KIAA1210: variants seen among roughly 807,000 people sequenced by gnomAD.
KIAA1210 encodes the protein KIAA1210, also known as acrosomal protein KIAA1210.
A neutral mutation model predicts 78.9 loss-of-function variants in KIAA1210; 48 were observed. The ratio of observed to expected loss-of-function variants is 0.61; its 90% CI spans 0.48 to 0.77. KIAA1210 has a LOEUF of 0.77. Ranked by LOEUF, KIAA1210 falls within the 30% of genes least tolerant of loss-of-function variation. KIAA1210 has a pLI of 0.00. For synonymous variants in KIAA1210, 406 were observed against 404.5 expected, an observed-to-expected ratio of 1.00 and a Z score of -0.04; for missense variants, 1,108 against 1,100.0, an observed-to-expected ratio of 1.01 and a Z score of -0.10.
At chrX:119,128,649 C>A (rs2147193515), upstream of KIAA1210, among the ~76,000 whole-genome samples, 1 of 111,499 alleles carries the variant, frequency 9.0e-6, no homozygotes, top group South Asian at 3.8e-4. Flanking sequence ...CTCTCCATCC[C>A]ATTATTCTTT....
At chrX:119,096,009 G>A (rs1346260350) in intron 7 of KIAA1210, among the ~76,000 whole-genome samples, 2 of 111,697 alleles carry the variant, frequency 1.8e-5, no homozygotes, top group African/African-American at 3.3e-5. Context: ...AAAGTCATGT[G>A]GCATCTATTT....
intron 1 of KIAA1210, among the ~76,000 whole-genome samples, chrX:119,149,830 C>T (rs1291928085): frequency 2.7e-5 from 3 of 110,940 alleles, no homozygotes; most frequent in Non-Finnish European, 3.8e-5. Flanking sequence ...GGTGATTCTT[C>T]TCTACTCATC....
At chrX:119,118,958 T>C (rs759260688) in intron 2 of KIAA1210, among the ~76,000 whole-genome samples, 1 of 112,351 alleles carries the variant, frequency 8.9e-6, no homozygotes, top group African/African-American at 3.2e-5. Flanking sequence ...ACTAGCACAG[T>C]GCAAGGCATG....
In KIAA1210 at chrX:119,083,602, T is replaced by A. The variant is rs1374394895; in HGVS notation, c.4321-482A>T. Among the ~76,000 whole-genome samples the A allele has an allele frequency of 8.9e-5, 10 of 111,924 alleles. No individual in the cohort carries two copies. The Admixed American group carries it at 9.5e-4, about 11-fold the overall frequency. On this transcript the variant is annotated intron_variant, in intron 10 of 11. Coordinates refer to ENST00000691062, the MANE Select transcript of KIAA1210 (RefSeq NM_001394962.1). Reference sequence around the variant, plus strand: ...CATTAGAAAGTAATATAACTGTAGGTCTTTCCAAAATTCTGCAGTTTATTC... The same window carrying A: ...CATTAGAAAGTAATATAACTGTAGGACTTTCCAAAATTCTGCAGTTTATTC...
chrX:119,139,185 C>A (rs1928990265), intron 2 of KIAA1210, among the ~76,000 whole-genome samples: 1 of 111,569 alleles, frequency 9.0e-6, no homozygotes, highest in Non-Finnish European at 1.9e-5. Context: ...CAGGGACCTG[C>A]AAGTCCAGAA....
chrX:119,139,938 A>C (rs1225050473), intron 2 of KIAA1210, among the ~76,000 whole-genome samples: 1 of 111,831 alleles, frequency 8.9e-6, no homozygotes, highest in Non-Finnish European at 1.9e-5. Context: ...GGGCACATGG[A>C]GTCCTTTCTT....
At chrX:119,107,240 G>A (rs1054229984) in intron 5 of KIAA1210, among the ~76,000 whole-genome samples, 1 of 112,773 alleles carries the variant, frequency 8.9e-6, no homozygotes, top group Non-Finnish European at 1.9e-5. Context: ...ACTTCCTTGT[G>A]AGAAGTAATG....
intron 6 of KIAA1210, among the ~76,000 whole-genome samples, chrX:119,097,629 G>T (rs1213183706): frequency 2.7e-5 from 3 of 112,041 alleles, no homozygotes; most frequent in Non-Finnish European, 5.6e-5. Context: ...GTATCCCCTT[G>T]GTACTTGCAG....
In KIAA1210 at chrX:119,086,851, T is replaced by A; in HGVS notation, c.3851A>T (p.Asn1284Ile). 8.3e-7 allele frequency: 1 copy of A among 1,211,752 alleles called. No homozygotes were observed. Among genetic ancestry groups the A allele is most frequent in the Non-Finnish European group, 1.1e-6 (1 of 895,450 alleles). The change falls in exon 9 of 12, where the codon AAT (asparagine) becomes ATT (isoleucine). Residue 1284 changes from asparagine (N) to isoleucine (I), a missense_variant. Asn to Ile is a moderately radical substitution (Grantham distance 149). This residue lies in a region of KIAA1210 where 245 missense variants were observed against 278.8 expected (regional missense o/e 0.88). Coordinates refer to ENST00000691062, the MANE Select transcript of KIAA1210 (RefSeq NM_001394962.1). ...ATTGGATAGGTTTGCATGCTGGTTA[T>A]TATTACCATCACCACTCTCAAGATC... ...KEDLESGDGN[N>I]NQHANLSNQD... is the part of the protein sequence containing the mutation.
intron 6 of KIAA1210, among the ~76,000 whole-genome samples, chrX:119,101,719 T>C (rs984561804): frequency 8.9e-6 from 1 of 112,031 alleles, no homozygotes; most frequent in Non-Finnish European, 1.9e-5. Context: ...TGAAAGTTCT[T>C]AGAGATGGAA....
chrX:119,088,700 G>A lies in KIAA1210; in HGVS notation c.2002C>T (p.Pro668Ser). 2 of 1,210,134 alleles carry A rather than the reference G, an allele frequency of 1.7e-6. No homozygotes were observed. The highest frequency in any genetic ancestry group is 2.2e-6 in the Non-Finnish European group (2 of 894,817). ...TCTGTGAAGACTTCTGCATCTTCAG[G>A]CTCCTCTAAAGCCTGGGAGAGGCAT... ...LRCLSQALEE[P>S]EDAEVFTESS... Residue 668 changes from proline to serine, a missense_variant, in exon 9 of 12, where the codon CCT becomes TCT. Coordinates refer to ENST00000691062, the MANE Select transcript of KIAA1210 (RefSeq NM_001394962.1).
chrX:119,096,143 A>C (rs1439503995), intron 7 of KIAA1210, among the ~76,000 whole-genome samples: 1 of 112,724 alleles, frequency 8.9e-6, no homozygotes, highest in Admixed American at 9.4e-5. Flanking sequence ...TTAATAACTG[A>C]AAGAATCCTG....
At chrX:119,104,899 G>A (rs1927841066) in intron 6 of KIAA1210, 93 bp downstream of exon 6, 2 of 859,065 alleles carry the variant, frequency 2.3e-6, no homozygotes, top group African/African-American at 4.2e-5. Context: ...CATCCCCCTA[G>A]TGTTGAGCTC....
intron 6 of KIAA1210, among the ~76,000 whole-genome samples, chrX:119,097,237 G>A (rs1185435707): frequency 9.0e-6 from 1 of 111,459 alleles, no homozygotes; most frequent in East Asian, 2.8e-4. Context: ...CTGATGGGAG[G>A]ACCCTCAGGA....
chrX:119,089,412 G>C lies in KIAA1210; in HGVS notation c.1290C>G (p.Thr430=). 3 of 1,211,757 alleles carry C rather than the reference G, an allele frequency of 2.5e-6. No individual in the cohort carries two copies. Among genetic ancestry groups the C allele is most frequent in the Non-Finnish European group, 3.4e-6 (3 of 895,398 alleles). The change falls in exon 9 of 12, where the codon ACC becomes ACG. Residue 430 remains threonine (T), a synonymous_variant. Transcript: ENST00000691062. ...CTTTATCTGAAAGCAACCCCTGAGG[G>C]GTAGTGGTTTCTGGTTGTGAAGTTG... ...QPTTSQPETT[T]PQGLLSDKDD...
At position 119,085,593 on chromosome X, in the gene KIAA1210, G is replaced by A. The variant is rs201199132; in HGVS notation, c.4157-47C>T. On this transcript the variant is annotated intron_variant, in intron 9 of 11. Coordinates refer to ENST00000691062, the MANE Select transcript of KIAA1210 (RefSeq NM_001394962.1). ...TTAGAACTGAAGCAAGGCAGGCAGGGTCTTGAGCCTGGTTGGGGCTTACCC... is the reference window on the plus strand; with the variant it reads ...TTAGAACTGAAGCAAGGCAGGCAGGATCTTGAGCCTGGTTGGGGCTTACCC... 4.2e-5 allele frequency: 47 copies of A among 1,121,270 alleles called. No homozygotes were observed. In the African/African-American group the frequency reaches 5.8e-4, roughly 14 times the overall value. 92.4% of individuals were successfully genotyped at this position (1,121,270 alleles called of 1,213,427 possible).
chrX:119,100,385 G>C (rs1477827115), intron 6 of KIAA1210, among the ~76,000 whole-genome samples: 1 of 98,169 alleles, frequency 1.0e-5, no homozygotes, highest in Non-Finnish European at 2.0e-5. Context: ...AGGATTTTAT[G>C]AGTTGCCCAA....
chrX:119,079,904 T>G lies in KIAA1210; in HGVS notation c.*1425A>C, dbSNP rs1220291588. ...CTCTGTGGCTTTGGGATTGCACTCT[T>G]GCTTTGGGCTAAAACCTTGTGAAGC... On this transcript the variant is annotated 3_prime_UTR_variant, in exon 12 of 12. Coordinates refer to ENST00000691062, the MANE Select transcript of KIAA1210 (RefSeq NM_001394962.1). The G allele has an allele frequency of 1.8e-5, 2 of 111,785 alleles. No individual in the cohort carries two copies. Among genetic ancestry groups the G allele is most frequent in the Middle Eastern group, 4.2e-3 (1 of 237 alleles). The allele number at this position is 111,785 out of a possible 1,213,427, so 9.2% of individuals were successfully genotyped here.
Position 119,081,282 on chromosome X carries a change from A to T in KIAA1210, c.*47T>A. 2.0e-6 allele frequency: 2 copies of T among 991,563 alleles called. No individual in the cohort carries two copies. The highest frequency in any genetic ancestry group is 2.8e-5 in the South Asian group (1 of 35,558). 81.7% of individuals were successfully genotyped at this position (991,563 alleles called of 1,213,427 possible). A position where few individuals can be genotyped will look rare whatever the true frequency, so the allele number is the denominator to read the frequency against. ...ACTCTGTCTCAAAAAAAAAAAAAAA[A>T]AAAAAAACTAAATAAAATAAATGCT... On this transcript the variant is annotated 3_prime_UTR_variant, in exon 12 of 12. Coordinates refer to ENST00000691062, the MANE Select transcript of KIAA1210 (RefSeq NM_001394962.1).
Sources: allele counts gnomAD v4.1 joint callset (sites outside exome capture counted in the v4.1 genomes callset), GRCh38; gene constraint gnomAD v4.1.1; regional missense constraint gnomAD v4.1.1; transcripts MANE v1.5; gene names NCBI Gene and HGNC (gene_info 2026-07-23, HGNC 2026-07-21).